ADD2: variants seen among roughly 807,000 people sequenced by gnomAD.
ADD2 encodes beta-adducin.
Under a neutral mutation model 83.0 loss-of-function variants are expected in ADD2, and 23 were observed. The observed-to-expected ratio is 0.28, with a 90% confidence interval of 0.20 to 0.39. The LOEUF (loss-of-function observed/expected upper bound fraction) is 0.39, where lower values mean the gene tolerates loss of function less well. Ranked by LOEUF, ADD2 falls within the 10% of genes least tolerant of loss-of-function variation. The probability of loss-of-function intolerance (pLI) is 1.00; values close to 1 mark genes in which losing one functional copy is unlikely to be tolerated. For missense variants in ADD2, 758 were observed against 944.9 expected (o/e 0.80, Z 2.59); for synonymous variants, 375 against 375.4 (o/e 1.00, Z 0.01).
At chr2:70,765,517 C>T (rs1215797738) in intron 1 of ADD2, among the ~76,000 whole-genome samples, 1 of 152,148 alleles carries the variant, frequency 6.6e-6, no homozygotes, top group Non-Finnish European at 1.5e-5. Flanking sequence ...TTGCATTTGT[C>T]TTTAAGCGCC....
chr2:70,765,750 G>T (rs781830168), intron 1 of ADD2, among the ~76,000 whole-genome samples: 1 of 152,200 alleles, frequency 6.6e-6, no homozygotes, highest in Non-Finnish European at 1.5e-5. Flanking sequence ...CGTAGCCATT[G>T]TAGAAGGTCT....
At chr2:70,756,126 C>G (rs2104545410) in intron 1 of ADD2, among the ~76,000 whole-genome samples, 1 of 150,606 alleles carries the variant, frequency 6.6e-6, no homozygotes, top group African/African-American at 2.4e-5. Context: ...AACACAAGCA[C>G]AAATTGCAGG....
intron 13 of ADD2, 136 bp from the exon 14 acceptor site, chr2:70,674,961 C>A: frequency 7.2e-7 from 1 of 1,393,980 alleles, no homozygotes; most frequent in Non-Finnish European, 9.5e-7. Context: ...TTGGAAACAG[C>A]TCAGGGCCTT....
Position 70,676,747 on chromosome 2 carries a change from C to A in ADD2, c.1593+49G>T. On this transcript the variant is annotated intron_variant, in intron 13 of 15. Transcript: ENST00000264436. This position sits in a 1 kb window ranked among gnomAD's most constrained non-coding sequence, Gnocchi z 4.8. ...AACCCAGCCCCAGGCACAGAAGACC[C>A]CGAAGGCAAACACGTTTCCCCGCCA... The A allele has an allele frequency of 6.2e-7, 1 of 1,613,344 alleles. No individual in the cohort carries two copies.
At chr2:70,695,544 C>T (rs1242063664) in intron 6 of ADD2, among the ~76,000 whole-genome samples, 177 bp downstream of exon 6, 1 of 152,204 alleles carries the variant, frequency 6.6e-6, no homozygotes, top group Non-Finnish European at 1.5e-5. Context: ...GGCAATTGGT[C>T]TCTTGGTCGC....
In ADD2 at chr2:70,676,541, C is replaced by A. The variant is rs1314307411; in HGVS notation, c.1593+255G>T. ...CCATGGCAGGAGGTACGGAAGCCGG[C>A]CGCATCACTCCTGCAGGCAGGCTGG... is the stretch of plus-strand genomic sequence containing the variant. On this transcript the variant is annotated intron_variant, in intron 13 of 15. Coordinates refer to ENST00000264436, the MANE Select transcript of ADD2 (RefSeq NM_001617.4). This position sits in a 1 kb window ranked among gnomAD's most constrained non-coding sequence, Gnocchi z 4.8. 1 of 1,390,068 alleles carries A rather than the reference C, an allele frequency of 7.2e-7. No homozygotes were observed. Among genetic ancestry groups the A allele is most frequent in the African/African-American group, 1.5e-5 (1 of 68,772 alleles). The allele number at this position is 1,390,068 out of a possible 1,614,324, so 86.1% of individuals were successfully genotyped here. A position where few individuals can be genotyped will look rare whatever the true frequency, so the allele number is the denominator to read the frequency against.
chr2:70,768,076 G>T lies in ADD2; in HGVS notation c.-344C>A. On this transcript the variant is annotated 5_prime_UTR_variant, in exon 1 of 16. Coordinates refer to ENST00000264436, the MANE Select transcript of ADD2 (RefSeq NM_001617.4). ...CCCCCAGCAGTGCAGCGGCTCCGCG[G>T]CGGCGGGGATGACTGGCCACCGACG... is the stretch of plus-strand genomic sequence containing the variant. The T allele has an allele frequency of 8.1e-7, 1 of 1,230,620 alleles. No individual in the cohort carries two copies. Among genetic ancestry groups the T allele is most frequent in the Non-Finnish European group, 1.1e-6 (1 of 908,122 alleles). The allele number at this position is 1,230,620 out of a possible 1,614,324, so 76.2% of individuals were successfully genotyped here.
chr2:70,720,538 T>G (rs1315972202), intron 1 of ADD2, among the ~76,000 whole-genome samples: 2 of 152,214 alleles, frequency 1.3e-5, no homozygotes, highest in Non-Finnish European at 2.9e-5. Flanking sequence ...TAACCATATG[T>G]TGGGTCTCTG....
chr2:70,686,887 G>A (rs1670755129), intron 9 of ADD2, among the ~76,000 whole-genome samples: 1 of 152,072 alleles, frequency 6.6e-6, no homozygotes, highest in Non-Finnish European at 1.5e-5. Context: ...GATTGAAAAG[G>A]TCCCACTGCA....
At chr2:70,688,821 C>A (rs6707474) in intron 8 of ADD2, among the ~76,000 whole-genome samples, 44,116 of 151,996 alleles carry the variant, frequency 0.29, 6,766 homozygotes, top group East Asian at 0.44. Context: ...AAAGTCTCAG[C>A]CGTGGTGGGT....
At chr2:70,725,534 C>G (rs1672945618) in intron 1 of ADD2, among the ~76,000 whole-genome samples, 1 of 152,104 alleles carries the variant, frequency 6.6e-6, no homozygotes, top group Non-Finnish European at 1.5e-5. Flanking sequence ...CTGGATCATC[C>G]AGGTAAGCCC....
intron 8 of ADD2, among the ~76,000 whole-genome samples, 159 bp from the exon 9 acceptor site, chr2:70,688,281 C>T (rs1326795889): frequency 6.6e-6 from 1 of 152,252 alleles, no homozygotes; most frequent in African/African-American, 2.4e-5. Flanking sequence ...AAAGCTACCC[C>T]ACATGGGATT....
intron 1 of ADD2, among the ~76,000 whole-genome samples, chr2:70,738,003 C>A (rs1216871145): frequency 6.6e-6 from 1 of 152,134 alleles, no homozygotes; most frequent in African/African-American, 2.4e-5. Flanking sequence ...GAGCACACAG[C>A]CAATAAGTGG....
At chr2:70,744,592 G>A (rs1674085866) in intron 1 of ADD2, among the ~76,000 whole-genome samples, 1 of 152,192 alleles carries the variant, frequency 6.6e-6, no homozygotes, top group Non-Finnish European at 1.5e-5. Flanking sequence ...GCTGAAAGAA[G>A]TCCATTGTGG....
intron 1 of ADD2, among the ~76,000 whole-genome samples, chr2:70,719,941 C>T (rs1330040233): frequency 2.6e-5 from 4 of 152,046 alleles, no homozygotes; most frequent in African/African-American, 9.7e-5. Flanking sequence ...TGTCTTGTCC[C>T]CATCCCCAAC....
At chr2:70,766,321 C>T (rs144592756) in intron 1 of ADD2, among the ~76,000 whole-genome samples, 1 of 152,256 alleles carries the variant, frequency 6.6e-6, no homozygotes, top group East Asian at 1.9e-4. Context: ...GGAAGAAAGG[C>T]TGGGCAAGAT....
chr2:70,730,319 A>G lies in ADD2; in HGVS notation c.-153-17135T>C, dbSNP rs374449102. ...TACCACATCGGGCCTCTGCACACAGAGGTTCTTCAAAAGGCAGACCCCCTC... is the reference window on the plus strand; with the variant it reads ...TACCACATCGGGCCTCTGCACACAGGGGTTCTTCAAAAGGCAGACCCCCTC... On this transcript the variant is annotated intron_variant, in intron 1 of 15. Coordinates refer to ENST00000264436, the MANE Select transcript of ADD2 (RefSeq NM_001617.4). 9.8e-5 allele frequency among the ~76,000 whole-genome samples: 15 copies of G among 152,310 alleles called. No homozygotes were observed. The East Asian group carries it at 2.7e-3, about 27-fold the overall frequency.
intron 12 of ADD2, 125 bp downstream of exon 12, chr2:70,677,629 TTCTC>T: frequency 2.4e-6 from 3 of 1,247,984 alleles, no homozygotes; most frequent in Non-Finnish European, 3.4e-6. Flanking sequence ...CAATGGTAGT[TTCTC>T]TCTCCTGTGA....
chr2:70,697,677 T>C lies in ADD2; in HGVS notation c.323-1281A>G, dbSNP rs541449168. Among the ~76,000 whole-genome samples, 3 of 152,318 alleles carry C rather than the reference T, an allele frequency of 2.0e-5. No individual in the cohort carries two copies. In the South Asian group the frequency reaches 6.2e-4, roughly 32 times the overall value. ...CTCTGTGAAACTTGCTGCAGTACGA[T>C]GTATATCCTGCATCGAGTGTGCCAT... On this transcript the variant is annotated intron_variant, in intron 4 of 15. Transcript: ENST00000264436.
Sources: gnomAD v4.1 joint callset for allele counts (sites outside exome capture counted in the v4.1 genomes callset) on GRCh38, gnomAD v4.1.1 for gene constraint, Gnocchi (gnomAD v3.1) non-coding constraint, MANE v1.5 for transcripts, NCBI Gene and HGNC (gene_info 2026-07-23, HGNC 2026-07-21) for gene names.